The following PLA2G4C variants were observed in gnomAD, a reference collection of about 807,000 sequenced individuals.
PLA2G4C encodes cytosolic phospholipase A2 gamma.
PLA2G4C carries 64 observed loss-of-function variants against 73.8 expected under a neutral mutation model. That is an observed-to-expected ratio of 0.87 (90% CI 0.71 to 1.07). PLA2G4C has a LOEUF of 1.07. Among genes scored for constraint, PLA2G4C ranks in the 50% least tolerant of loss-of-function variants. The pLI, the probability that PLA2G4C is intolerant of heterozygous loss-of-function variation, is 0.00. For missense variants in PLA2G4C, 622 were observed against 665.4 expected (o/e 0.93, Z 0.72); for synonymous variants, 254 against 252.1 (o/e 1.01, Z -0.07).
chr19:48,089,394 G>A (rs1313956079), intron 8 of PLA2G4C, among the ~76,000 whole-genome samples: 1 of 152,090 alleles, frequency 6.6e-6, no homozygotes, highest in Non-Finnish European at 1.5e-5. Flanking sequence ...TCCAGCCTGG[G>A]CAACAGAGCA....
intron 3 of PLA2G4C, 37 bp downstream of exon 3, chr19:48,105,296 C>A (rs1600263989): frequency 3.4e-6 from 5 of 1,453,690 alleles, no homozygotes; most frequent in East Asian, 2.3e-5. Context: ...GGGGGCGATT[C>A]TGGGATCTCT....
At chr19:48,077,867 C>A in intron 10 of PLA2G4C, 43 bp from the exon 11 acceptor site, 3 of 1,529,060 alleles carry the variant, frequency 2.0e-6, no homozygotes, top group South Asian at 2.3e-5. Flanking sequence ...ACTGTAAAGT[C>A]ACTAGTTATA....
At chr19:48,078,393 A>G (rs1324362688) in intron 10 of PLA2G4C, among the ~76,000 whole-genome samples, 3 of 152,194 alleles carry the variant, frequency 2.0e-5, no homozygotes, top group Admixed American at 1.3e-4. Flanking sequence ...AAAGAAATGA[A>G]GGGTATCCAA....
At chr19:48,054,305 G>T (rs1288137975) in intron 15 of PLA2G4C, among the ~76,000 whole-genome samples, 3 of 151,830 alleles carry the variant, frequency 2.0e-5, no homozygotes, top group South Asian at 2.1e-4. Flanking sequence ...CTGATGGTAT[G>T]TATTTATTTA....
In PLA2G4C at chr19:48,110,628, G is replaced by T. The variant is rs1181473552; in HGVS notation, c.-174C>A. On this transcript the variant is annotated 5_prime_UTR_variant, in exon 1 of 17. Coordinates refer to ENST00000599921, the MANE Select transcript of PLA2G4C (RefSeq NM_003706.3). Reference sequence around the variant, plus strand: ...CGGAATCTCCGCGGGTGAAGACTGCGGGGATCCTCGGTGCCAAAGCTTCTG... The same window carrying T: ...CGGAATCTCCGCGGGTGAAGACTGCTGGGATCCTCGGTGCCAAAGCTTCTG... The T allele has an allele frequency of 5.4e-5, 37 of 691,172 alleles. No homozygotes were observed. The highest frequency in any genetic ancestry group is 2.3e-4 in the Admixed American group (6 of 25,824). The allele number at this position is 691,172 out of a possible 1,614,324, so 42.8% of individuals were successfully genotyped here.
chr19:48,077,204 C>A (rs1011891904), intron 11 of PLA2G4C, among the ~76,000 whole-genome samples: 1 of 152,110 alleles, frequency 6.6e-6, no homozygotes, highest in African/African-American at 2.4e-5. Context: ...TAGACTCATC[C>A]AAAAAGCTCC....
At chr19:48,054,792 T>C in intron 15 of PLA2G4C, 86 bp downstream of exon 15, 2 of 1,248,310 alleles carry the variant, frequency 1.6e-6, no homozygotes, top group East Asian at 2.3e-5. Flanking sequence ...CCTTTGTAAA[T>C]TACCCAGTCT....
chr19:48,095,729 G>C lies in PLA2G4C; in HGVS notation c.569-125C>G, dbSNP rs545967831. On this transcript the variant is annotated intron_variant, in intron 6 of 16. Coordinates refer to ENST00000599921, the MANE Select transcript of PLA2G4C (RefSeq NM_003706.3). ...GACAGGAGAATGTTAGAGATGGACT[G>C]TGTGGTATCAGAAACCACTGGGGAT... 159 of 1,021,644 alleles carry C rather than the reference G, an allele frequency of 1.6e-4. No homozygotes were observed. In the African/African-American group the frequency reaches 2.4e-3, roughly 15 times the overall value. 63.3% of individuals were successfully genotyped at this position (1,021,644 alleles called of 1,614,324 possible).
At chr19:48,075,102 C>T (rs2122550624) in intron 11 of PLA2G4C, among the ~76,000 whole-genome samples, 1 of 152,166 alleles carries the variant, frequency 6.6e-6, no homozygotes, top group African/African-American at 2.4e-5. Context: ...GCCTCCACCT[C>T]TACTCATCTT....
chr19:48,097,473 T>C (rs62129326), intron 6 of PLA2G4C, among the ~76,000 whole-genome samples: 6,702 of 151,616 alleles, frequency 0.044, 207 homozygotes, highest in Non-Finnish European at 0.065. Flanking sequence ...AGGATGGTCT[T>C]GATCTCCTGA....
chr19:48,070,964 C>T (rs1968635315), intron 12 of PLA2G4C, among the ~76,000 whole-genome samples: 1 of 152,114 alleles, frequency 6.6e-6, no homozygotes, highest in Non-Finnish European at 1.5e-5. Flanking sequence ...GGATTTTGGA[C>T]TTGTCATCTT....
intron 16 of PLA2G4C, among the ~76,000 whole-genome samples, chr19:48,049,589 AGCAG>A (rs1967645458): frequency 6.6e-6 from 1 of 152,222 alleles, no homozygotes; most frequent in African/African-American, 2.4e-5. Context: ...GACTGGATCT[AGCAG>A]GCATCCAGGA....
At chr19:48,048,487 A>ACTG in intron 16 of PLA2G4C, 99 bp from the exon 17 acceptor site, 1 of 693,082 alleles carries the variant, frequency 1.4e-6, no homozygotes, top group South Asian at 2.3e-5. Flanking sequence ...CAGGTCATAC[A>ACTG]TGACTTAGGA....
chr19:48,077,599 T>C (rs2030250734), intron 11 of PLA2G4C, among the ~76,000 whole-genome samples, 172 bp downstream of exon 11: 1 of 152,220 alleles, frequency 6.6e-6, no homozygotes, highest in South Asian at 2.1e-4. Flanking sequence ...ACTCCGATCC[T>C]GCCCCTCCTG....
At chr19:48,089,023 G>A (rs539173175) in intron 8 of PLA2G4C, among the ~76,000 whole-genome samples, 1 of 152,330 alleles carries the variant, frequency 6.6e-6, no homozygotes, top group East Asian at 1.9e-4. Context: ...CACTGGAGAA[G>A]TAACACTCAG....
Position 48,054,902 on chromosome 19 carries a change from G to T in PLA2G4C, c.1405C>A (p.Leu469Met), listed in dbSNP as rs2307280. ...ETGPVVMHFP[L>M]FNIDACGGDI... ...CCTCCACAGGCATCTATGTTGAACA[G>T]GGGAAAATGCATCACCACTGGTCCA... The change falls in exon 15 of 17, where the codon CTG becomes ATG. Residue 469 changes from leucine (L) to methionine (M), a missense_variant. Leu to Met is a conservative substitution (Grantham distance 15). Coordinates refer to ENST00000599921, the MANE Select transcript of PLA2G4C (RefSeq NM_003706.3). 2 of 1,613,890 alleles carry T rather than the reference G, an allele frequency of 1.2e-6. No individual in the cohort carries two copies. Among genetic ancestry groups the T allele is most frequent in the Non-Finnish European group, 1.7e-6 (2 of 1,180,002 alleles).
chr19:48,099,894 T>C (rs753709994), intron 4 of PLA2G4C, 34 bp from the exon 5 acceptor site: 8 of 1,485,156 alleles, frequency 5.4e-6, no homozygotes, highest in Non-Finnish European at 7.5e-6. Context: ...AGTTGGGCAT[T>C]TTAAGTGTGG....
chr19:48,078,859 A>C (rs901228326), intron 10 of PLA2G4C, among the ~76,000 whole-genome samples: 2 of 145,486 alleles, frequency 1.4e-5, no homozygotes, highest in East Asian at 4.0e-4. Flanking sequence ...CAGAACAAAA[A>C]ATCCTAAAAT....
intron 14 of PLA2G4C, among the ~76,000 whole-genome samples, chr19:48,055,630 G>A (rs535611301): frequency 0.016 from 1,188 of 75,022 alleles, 21 homozygotes; most frequent in African/African-American, 0.055. Context: ...TAATGTCACC[G>A]TGAAGGTACT....
Sources: gnomAD v4.1 joint callset for allele counts (sites outside exome capture counted in the v4.1 genomes callset) on GRCh38, gnomAD v4.1.1 for gene constraint, MANE v1.5 for transcripts, NCBI Gene and HGNC (gene_info 2026-07-23, HGNC 2026-07-21) for gene names.